ADK: variants seen among roughly 807,000 people sequenced by gnomAD.
ADK encodes adenosine kinase.
ADK carries 24 observed loss-of-function variants against 44.7 expected under a neutral mutation model. The ratio of observed to expected loss-of-function variants is 0.54; its 90% CI spans 0.39 to 0.76. The LOEUF (loss-of-function observed/expected upper bound fraction) is 0.76. Among genes scored for constraint, ADK ranks in the 30% least tolerant of loss-of-function variants. ADK has a pLI of 0.00. For missense variants in ADK, 321 were observed against 425.1 expected (o/e 0.76, Z 2.15); for synonymous variants, 128 against 142.6 (o/e 0.90, Z 0.73).
chr10:74,175,190 G>C (rs920802514), intron 1 of ADK, among the ~76,000 whole-genome samples: 1 of 152,204 alleles, frequency 6.6e-6, no homozygotes, highest in African/African-American at 2.4e-5. Flanking sequence ...AGACCAGCCT[G>C]GCCAACATGG....
At chr10:74,394,059 C>T (rs1564695969) in intron 4 of ADK, 82 bp from the exon 5 acceptor site, 2 of 1,357,604 alleles carry the variant, frequency 1.5e-6, no homozygotes, top group Non-Finnish European at 2.1e-6. Context: ...GCATTCTTGT[C>T]ACATCACTAT....
chr10:74,493,266 T>G (rs573952032), intron 6 of ADK, among the ~76,000 whole-genome samples: 17 of 152,060 alleles, frequency 1.1e-4, no homozygotes, highest in African/African-American at 2.7e-4. Context: ...ATTGCAGCCT[T>G]GAACTCCTGG....
intron 3 of ADK, among the ~76,000 whole-genome samples, chr10:74,292,640 T>C (rs1419709578): frequency 1.3e-5 from 2 of 152,232 alleles, no homozygotes; most frequent in African/African-American, 4.8e-5. Context: ...CTTCTCGTTA[T>C]TCAGGATAAA....
At chr10:74,565,382 A>G (rs931700121) in intron 7 of ADK, among the ~76,000 whole-genome samples, 4 of 152,230 alleles carry the variant, frequency 2.6e-5, no homozygotes, top group African/African-American at 9.6e-5. Flanking sequence ...ATTGCTGCCT[A>G]TGATACTTAT....
intron 7 of ADK, among the ~76,000 whole-genome samples, chr10:74,588,357 G>A (rs1589275186): frequency 6.6e-6 from 1 of 151,974 alleles, no homozygotes; most frequent in East Asian, 1.9e-4. Context: ...AACCAATTAA[G>A]GTTTATACAT....
intron 6 of ADK, among the ~76,000 whole-genome samples, chr10:74,402,073 T>C (rs1465540636): frequency 1.3e-5 from 2 of 152,226 alleles, no homozygotes; most frequent in South Asian, 2.1e-4. Context: ...TGGCCCCCAC[T>C]CTCTTTTGGC....
intron 5 of ADK, 60 bp downstream of exon 5, chr10:74,394,373 T>A (rs1843439148): frequency 6.0e-6 from 9 of 1,497,368 alleles, no homozygotes; most frequent in Non-Finnish European, 7.4e-6. Context: ...TGGTAAAATA[T>A]GAATTCCAAT....
chr10:74,647,370 G>C (rs1459750169), intron 9 of ADK, among the ~76,000 whole-genome samples: 2 of 152,116 alleles, frequency 1.3e-5, no homozygotes, highest in Non-Finnish European at 2.9e-5. Flanking sequence ...GTATTTGGGG[G>C]ATGCTAAGAA....
Position 74,300,315 on chromosome 10 carries a change from C to T in ADK, c.195-14352C>T, listed in dbSNP as rs796889603. On this transcript the variant is annotated intron_variant, in intron 3 of 10. Transcript: ENST00000539909. ...CCTTCCTTCCTTCCTTCCTTCTTTCCTTCCTTCCTTCCTTCCTTCCTTCCT... is the reference window on the plus strand; with the variant it reads ...CCTTCCTTCCTTCCTTCCTTCTTTCTTTCCTTCCTTCCTTCCTTCCTTCCT... 7.8e-4 allele frequency among the ~76,000 whole-genome samples: 80 copies of T among 102,284 alleles called. 2 individuals are homozygous for T. The highest frequency in any genetic ancestry group is 2.5e-3 in the African/African-American group (64 of 26,006). The allele number at this position is 102,284 out of a possible 152,430, so 67.1% of individuals were successfully genotyped here. A position where few individuals can be genotyped will look rare whatever the true frequency, so the allele number is the denominator to read the frequency against.
At chr10:74,325,161 TC>T (rs1213215877) in intron 4 of ADK, among the ~76,000 whole-genome samples, 4 of 152,212 alleles carry the variant, frequency 2.6e-5, no homozygotes, top group Non-Finnish European at 5.9e-5. Flanking sequence ...TTAATTTCTT[TC>T]ATCAGCGTTT....
intron 7 of ADK, among the ~76,000 whole-genome samples, chr10:74,588,473 C>T (rs896277228): frequency 6.6e-6 from 1 of 152,112 alleles, no homozygotes; most frequent in African/African-American, 2.4e-5. Context: ...TTTTCAGTTG[C>T]TTTCTCTGTG....
intron 1 of ADK, among the ~76,000 whole-genome samples, chr10:74,184,684 G>A (rs573707755): frequency 7.9e-5 from 12 of 152,234 alleles, no homozygotes; most frequent in African/African-American, 2.6e-4. Context: ...CATTGTCCCC[G>A]GCTATCCTGA....
At chr10:74,657,790 A>G (rs1279047030) in intron 9 of ADK, among the ~76,000 whole-genome samples, 1 of 152,232 alleles carries the variant, frequency 6.6e-6, no homozygotes, top group Admixed American at 6.5e-5. Context: ...TTTAGTTGAG[A>G]AGACATTTGT....
intron 6 of ADK, among the ~76,000 whole-genome samples, chr10:74,456,755 A>G (rs1342042617): frequency 6.6e-6 from 1 of 152,064 alleles, no homozygotes; most frequent in Non-Finnish European, 1.5e-5. Flanking sequence ...AAATTAAGAC[A>G]GAAATAAAGC....
At chr10:74,574,423 C>T (rs1851107419) in intron 7 of ADK, among the ~76,000 whole-genome samples, 1 of 152,164 alleles carries the variant, frequency 6.6e-6, no homozygotes, top group Admixed American at 6.5e-5. Flanking sequence ...CCTGCCTCAG[C>T]CTCCCAAAGT....
At chr10:74,213,010 T>A (rs1030909359) in intron 2 of ADK, among the ~76,000 whole-genome samples, 1 of 152,128 alleles carries the variant, frequency 6.6e-6, no homozygotes, top group Non-Finnish European at 1.5e-5. Context: ...AAAGATTGAA[T>A]TGAGTTTTGT....
intron 8 of ADK, 49 bp from the exon 9 acceptor site, chr10:74,600,325 AGTTTT>A (rs1852069695): frequency 1.8e-6 from 2 of 1,106,652 alleles, no homozygotes; most frequent in South Asian, 1.3e-5. Context: ...CTACTAATAA[AGTTTT>A]GTTTTATTTT....
At position 74,610,145 on chromosome 10, in the gene ADK, A is replaced by G. The variant is rs182213999; in HGVS notation, c.877+9652A>G. Among the ~76,000 whole-genome samples, 236 of 152,314 alleles carry G rather than the reference A, an allele frequency of 1.5e-3. 1 individual carries two copies. The highest frequency in any genetic ancestry group is 5.5e-3 in the African/African-American group (230 of 41,586). Reference sequence around the variant, plus strand: ...TCTTCATAGCAGCATTATTCACAATAACCAAAAGGTAGAAGCAATCAAAGT... The same window carrying G: ...TCTTCATAGCAGCATTATTCACAATGACCAAAAGGTAGAAGCAATCAAAGT... On this transcript the variant is annotated intron_variant, in intron 9 of 10. Transcript: ENST00000539909.
At chr10:74,349,688 C>A (rs1319710277) in intron 4 of ADK, among the ~76,000 whole-genome samples, 23 of 151,840 alleles carry the variant, frequency 1.5e-4, no homozygotes, top group Non-Finnish European at 3.4e-4. Flanking sequence ...TGCAAAGACA[C>A]ACATAGGCTC....
Sources: gnomAD v4.1 joint callset for allele counts (sites outside exome capture counted in the v4.1 genomes callset) on GRCh38, gnomAD v4.1.1 for gene constraint, MANE v1.5 for transcripts, NCBI Gene and HGNC (gene_info 2026-07-23, HGNC 2026-07-21) for gene names.